The following KCNJ3 variants were observed in gnomAD, a reference collection of about 807,000 sequenced individuals.
KCNJ3 encodes the protein potassium inwardly rectifying channel subfamily J member 3, also known as G protein-activated inward rectifier potassium channel 1.
In KCNJ3, 4 loss-of-function variants were observed where a neutral mutation model predicts 39.2. The observed-to-expected ratio is 0.10, with a 90% CI of 0.05 to 0.23. The LOEUF is 0.23. Ranked by LOEUF, KCNJ3 falls within the 10% of genes least tolerant of loss-of-function variation. KCNJ3 has a pLI of 1.00. For synonymous variants in KCNJ3, 230 were observed against 237.4 expected (o/e 0.97, Z 0.29); for missense variants, 276 against 634.9 (o/e 0.43, Z 6.08).
chr2:154,814,306 C>T (rs1463137417), intron 2 of KCNJ3, among the ~76,000 whole-genome samples: 1 of 151,952 alleles, frequency 6.6e-6, no homozygotes, highest in Non-Finnish European at 1.5e-5. Context: ...TATAAGTATA[C>T]AAATATTATA....
At chr2:154,707,278 A>G (rs1046438076) in intron 1 of KCNJ3, among the ~76,000 whole-genome samples, 4 of 152,052 alleles carry the variant, frequency 2.6e-5, no homozygotes, top group African/African-American at 9.7e-5. Flanking sequence ...GTACAGGTGT[A>G]ATTTTGAGTG....
At chr2:154,787,417 T>A (rs1686550706) in intron 2 of KCNJ3, among the ~76,000 whole-genome samples, 1 of 152,152 alleles carries the variant, frequency 6.6e-6, no homozygotes, top group African/African-American at 2.4e-5. Context: ...AGTCAGGGAT[T>A]GACTCAGCCC....
At chr2:154,829,933 T>C (rs1478475641) in intron 2 of KCNJ3, among the ~76,000 whole-genome samples, 1 of 152,180 alleles carries the variant, frequency 6.6e-6, no homozygotes, top group Non-Finnish European at 1.5e-5. Flanking sequence ...TATATCTTCT[T>C]TGGAAAAGTC....
chr2:154,806,530 C>G (rs2105097631), intron 2 of KCNJ3, among the ~76,000 whole-genome samples: 1 of 152,256 alleles, frequency 6.6e-6, no homozygotes, highest in East Asian at 1.9e-4. Flanking sequence ...ATGTGACTAG[C>G]TAGAAAAACT....
At chr2:154,825,515 G>A (rs1687255150) in intron 2 of KCNJ3, among the ~76,000 whole-genome samples, 1 of 151,350 alleles carries the variant, frequency 6.6e-6, no homozygotes, top group South Asian at 2.1e-4. Flanking sequence ...CAGTAATGAA[G>A]GTTCAGGACC....
At chr2:154,710,356 C>T (rs947046113) in intron 2 of KCNJ3, among the ~76,000 whole-genome samples, 2 of 151,988 alleles carry the variant, frequency 1.3e-5, no homozygotes, top group Admixed American at 1.3e-4. Flanking sequence ...CCCAGCTGAA[C>T]CTTGACCAAA....
intron 2 of KCNJ3, among the ~76,000 whole-genome samples, chr2:154,780,358 A>G (rs967916373): frequency 6.6e-6 from 1 of 152,164 alleles, no homozygotes; most frequent in Non-Finnish European, 1.5e-5. Context: ...GCTTTCTTAA[A>G]TGACTTAAGT....
chr2:154,746,213 TATAAC>T (rs1685739140), intron 2 of KCNJ3, among the ~76,000 whole-genome samples: 2 of 152,138 alleles, frequency 1.3e-5, no homozygotes, highest in East Asian at 1.9e-4. Context: ...TATATAAACA[TATAAC>T]ATTAAAATAT....
intron 2 of KCNJ3, among the ~76,000 whole-genome samples, chr2:154,821,635 AT>A (rs71422263): frequency 0.21 from 18,305 of 86,864 alleles, 908 homozygotes; most frequent in East Asian, 0.39. Context: ...AGAATATGTG[AT>A]TTTTTTTTTT....
At chr2:154,783,303 C>T (rs940510625) in intron 2 of KCNJ3, among the ~76,000 whole-genome samples, 2 of 152,132 alleles carry the variant, frequency 1.3e-5, no homozygotes, top group African/African-American at 4.8e-5. Flanking sequence ...GTGCTTCTTC[C>T]GTGCATTTTG....
chr2:154,748,439 G>A (rs938505924), intron 2 of KCNJ3, among the ~76,000 whole-genome samples: 49 of 151,820 alleles, frequency 3.2e-4, no homozygotes, highest in African/African-American at 1.2e-3. Flanking sequence ...TATGTGTGGA[G>A]TTTCTGTTAA....
At chr2:154,785,435 A>G (rs1488192950) in intron 2 of KCNJ3, among the ~76,000 whole-genome samples, 1 of 152,158 alleles carries the variant, frequency 6.6e-6, no homozygotes, top group Admixed American at 6.5e-5. Context: ...ACTCATGCTG[A>G]AACTTACTTG....
intron 2 of KCNJ3, among the ~76,000 whole-genome samples, chr2:154,714,266 C>G (rs1198148653): frequency 4.6e-5 from 7 of 152,046 alleles, no homozygotes; most frequent in African/African-American, 1.4e-4. Context: ...AAAATAAAAC[C>G]TTATTATTTA....
chr2:154,779,475 TTA>T (rs60300736), intron 2 of KCNJ3, among the ~76,000 whole-genome samples: 30,961 of 145,116 alleles, frequency 0.21, 4,464 homozygotes, highest in African/African-American at 0.41. Context: ...GTTGTATATA[TTA>T]TATATATATG....
chr2:154,699,608 G>T lies in KCNJ3; in HGVS notation c.702+131G>T. The T allele has an allele frequency of 7.3e-7, 1 of 1,362,634 alleles. No individual in the cohort carries two copies. The highest frequency in any genetic ancestry group is 1.5e-5 in the South Asian group (1 of 67,116). 84.4% of individuals were successfully genotyped at this position (1,362,634 alleles called of 1,614,324 possible). On this transcript the variant is annotated intron_variant, in intron 1 of 2. Coordinates refer to ENST00000295101, the MANE Select transcript of KCNJ3 (RefSeq NM_002239.4). The surrounding 1 kb of genome is among the most constrained non-coding windows in gnomAD (Gnocchi z 6.4). ...AGCCACAGGTAAACTTCCTTTTGGG[G>T]GGTTGGGGGTTGGAGGACTGGGCAA...
intron 2 of KCNJ3, among the ~76,000 whole-genome samples, chr2:154,763,034 G>A (rs1007087584): frequency 1.3e-5 from 2 of 152,160 alleles, no homozygotes; most frequent in African/African-American, 2.4e-5. Context: ...CATCTGTAAC[G>A]TGACAACTGC....
intron 2 of KCNJ3, among the ~76,000 whole-genome samples, chr2:154,805,390 GAA>G (rs1361583024): frequency 6.6e-6 from 1 of 152,118 alleles, no homozygotes; most frequent in Non-Finnish European, 1.5e-5. Context: ...GAAATCTTGT[GAA>G]GTATTTTTTT....
At chr2:154,749,470 A>G (rs1190532768) in intron 2 of KCNJ3, among the ~76,000 whole-genome samples, 1 of 152,078 alleles carries the variant, frequency 6.6e-6, no homozygotes, top group African/African-American at 2.4e-5. Context: ...CAAATGAGCA[A>G]AAGATTTTTT....
intron 2 of KCNJ3, among the ~76,000 whole-genome samples, chr2:154,831,506 T>C (rs1245823370): frequency 6.6e-6 from 1 of 152,084 alleles, no homozygotes; most frequent in Non-Finnish European, 1.5e-5. Context: ...TCAAAGACTG[T>C]TGTCAGTACT....
Sources: gnomAD v4.1 joint callset for allele counts (sites outside exome capture counted in the v4.1 genomes callset) on GRCh38, gnomAD v4.1.1 for gene constraint, Gnocchi (gnomAD v3.1) non-coding constraint, MANE v1.5 for transcripts, NCBI Gene and HGNC (gene_info 2026-07-23, HGNC 2026-07-21) for gene names.